Variants in TRAPPC9 observed in about 807,000 individuals in gnomAD.
TRAPPC9 encodes the protein trafficking protein particle complex subunit 9.
TRAPPC9 carries 83 observed loss-of-function variants against 124.0 expected under a neutral mutation model. The observed-to-expected ratio is 0.67, with a 90% confidence interval of 0.56 to 0.80. The LOEUF (loss-of-function observed/expected upper bound fraction) is 0.80, where lower values mean the gene tolerates loss of function less well. Ranked by LOEUF, TRAPPC9 falls within the 30% of genes least tolerant of loss-of-function variation. The pLI is 0.00. For synonymous variants in TRAPPC9, 638 were observed against 617.5 expected, an observed-to-expected ratio of 1.03 and a Z score of -0.49; for missense variants, 1,302 against 1,508.3, an observed-to-expected ratio of 0.86 and a Z score of 2.27.
chr8:139,901,174 G>A (rs906576839), intron 20 of TRAPPC9, among the ~76,000 whole-genome samples: 3 of 152,030 alleles, frequency 2.0e-5, no homozygotes, highest in Admixed American at 6.6e-5. Context: ...CTGGGGTGGC[G>A]GTGACTTCAG....
chr8:140,387,573 C>T (rs2068788020), intron 7 of TRAPPC9, among the ~76,000 whole-genome samples: 1 of 152,158 alleles, frequency 6.6e-6, no homozygotes, highest in Admixed American at 6.5e-5. Context: ...AGGATATGAA[C>T]AGACACTTCT....
intron 21 of TRAPPC9, among the ~76,000 whole-genome samples, chr8:139,820,580 C>G (rs573247355): frequency 6.6e-6 from 1 of 152,258 alleles, no homozygotes; most frequent in African/African-American, 2.4e-5. Context: ...ATAATATGTT[C>G]TTAAAGTTCA....
intron 17 of TRAPPC9, among the ~76,000 whole-genome samples, chr8:140,171,489 G>T (rs769314633): frequency 1.3e-5 from 2 of 152,186 alleles, no homozygotes; most frequent in Non-Finnish European, 2.9e-5. Context: ...TATCCTCTAA[G>T]TCATTGAGGG....
At chr8:140,319,041 T>A (rs2066517327) in intron 9 of TRAPPC9, among the ~76,000 whole-genome samples, 1 of 152,218 alleles carries the variant, frequency 6.6e-6, no homozygotes, top group South Asian at 2.1e-4. Context: ...TATGATTTGG[T>A]TAGTGGGAGG....
chr8:140,077,058 C>T (rs1013971424), intron 17 of TRAPPC9, among the ~76,000 whole-genome samples: 7 of 151,590 alleles, frequency 4.6e-5, no homozygotes, highest in African/African-American at 1.5e-4. Context: ...CCCAGCCACT[C>T]GGGAGGCTGA....
intron 21 of TRAPPC9, among the ~76,000 whole-genome samples, chr8:139,787,290 T>C (rs980868132): frequency 2.0e-5 from 3 of 151,896 alleles, no homozygotes; most frequent in East Asian, 1.9e-4. Context: ...ATGACTCTTG[T>C]AGCCTGAGCG....
intron 18 of TRAPPC9, among the ~76,000 whole-genome samples, chr8:139,999,452 G>T (rs2131783987): frequency 6.6e-6 from 1 of 151,956 alleles, no homozygotes; most frequent in South Asian, 2.1e-4. Context: ...AAAACTGAAA[G>T]GATGAATGAA....
chr8:140,375,850 C>G (rs780622837), intron 7 of TRAPPC9, among the ~76,000 whole-genome samples: 6 of 152,126 alleles, frequency 3.9e-5, no homozygotes, highest in Non-Finnish European at 7.4e-5. Context: ...GTAGGGGCAG[C>G]CTGGTGGCCG....
chr8:139,980,403 A>C (rs1379607165), intron 19 of TRAPPC9, among the ~76,000 whole-genome samples: 1 of 152,234 alleles, frequency 6.6e-6, no homozygotes, highest in Non-Finnish European at 1.5e-5. Context: ...CTACTTGAGC[A>C]GAAATTGGGT....
At chr8:140,254,075 C>A (rs536492135) in intron 15 of TRAPPC9, among the ~76,000 whole-genome samples, 3 of 152,162 alleles carry the variant, frequency 2.0e-5, no homozygotes, top group African/African-American at 7.2e-5. Context: ...GAAGTAGCTG[C>A]GTCTCTCCAC....
intron 19 of TRAPPC9, among the ~76,000 whole-genome samples, chr8:139,969,667 A>G (rs1835935109): frequency 6.6e-6 from 1 of 152,252 alleles, no homozygotes; most frequent in Admixed American, 6.5e-5. Flanking sequence ...CAAAGGTGTC[A>G]GCAAATGTCA....
At chr8:140,397,855 C>T in intron 6 of TRAPPC9, 110 bp from the exon 7 acceptor site, 1 of 1,409,006 alleles carries the variant, frequency 7.1e-7, no homozygotes, top group East Asian at 2.3e-5. Context: ...CTTCCCCCAT[C>T]ACAGGGCTCC....
intron 16 of TRAPPC9, among the ~76,000 whole-genome samples, chr8:140,248,246 C>T (rs1001225962): frequency 2.0e-5 from 3 of 152,238 alleles, no homozygotes; most frequent in African/African-American, 7.2e-5. Flanking sequence ...CCCCTAGTTT[C>T]AGCCAGATCT....
At chr8:139,901,395 A>G (rs1187447221) in intron 20 of TRAPPC9, among the ~76,000 whole-genome samples, 1 of 152,258 alleles carries the variant, frequency 6.6e-6, no homozygotes, top group African/African-American at 2.4e-5. Context: ...AATTTGCATC[A>G]TGAACTTTCA....
chr8:140,371,381 C>G (rs892098368), intron 7 of TRAPPC9, among the ~76,000 whole-genome samples: 1 of 152,264 alleles, frequency 6.6e-6, no homozygotes, highest in African/African-American at 2.4e-5. Context: ...GCAGGTGCAG[C>G]CCATCTTCCT....
At chr8:140,196,755 ACACT>A (rs149156109) in intron 17 of TRAPPC9, among the ~76,000 whole-genome samples, 2,542 of 151,490 alleles carry the variant, frequency 0.017, 104 homozygotes, top group African/African-American at 0.059. Flanking sequence ...ACACTAAAAC[ACACT>A]CAATGATCCG....
At chr8:140,335,807 A>G (rs956088884) in intron 9 of TRAPPC9, among the ~76,000 whole-genome samples, 37 of 149,786 alleles carry the variant, frequency 2.5e-4, no homozygotes, top group South Asian at 6.3e-4. Context: ...CCTGGGTTCA[A>G]GCGATTCTCC....
At chr8:140,456,857 G>A (rs1033676117) in intron 1 of TRAPPC9, 1 of 985,134 alleles carries the variant, frequency 1.0e-6, no homozygotes, top group Admixed American at 6.2e-5. Flanking sequence ...AACATTTGAA[G>A]ACAGACAACG....
At chr8:140,034,573 C>T (rs753224564) in intron 17 of TRAPPC9, among the ~76,000 whole-genome samples, 1 of 152,206 alleles carries the variant, frequency 6.6e-6, no homozygotes, top group Non-Finnish European at 1.5e-5. Context: ...ATGCTCCATA[C>T]CTAGTGCCTT....
Sources: allele counts gnomAD v4.1 joint callset (sites outside exome capture counted in the v4.1 genomes callset), GRCh38; gene constraint gnomAD v4.1.1; transcripts MANE v1.5; gene names NCBI Gene and HGNC (gene_info 2026-07-23, HGNC 2026-07-21).